The following ABCA4 variants were observed in gnomAD, a reference collection of about 807,000 sequenced individuals.
The protein encoded by ABCA4 is retinal-specific phospholipid-transporting ATPase ABCA4.
In ABCA4, 196 loss-of-function variants were observed where a neutral mutation model predicts 263.7. That is an observed-to-expected ratio of 0.74 (90% CI 0.66 to 0.84). The LOEUF (loss-of-function observed/expected upper bound fraction) is 0.84, where lower values mean the gene tolerates loss of function less well. Ranked by LOEUF, ABCA4 falls within the 40% of genes least tolerant of loss-of-function variation. ABCA4 has a pLI of 0.00. For missense variants in ABCA4, 2,792 were observed against 2,855.1 expected (o/e 0.98, Z 0.50); for synonymous variants, 1,133 against 1,094.2 (o/e 1.04, Z -0.70).
At chr1:94,002,472 G>A (rs1451903778) in intron 44 of ABCA4, among the ~76,000 whole-genome samples, 1 of 152,242 alleles carries the variant, frequency 6.6e-6, no homozygotes, top group Non-Finnish European at 1.5e-5. Flanking sequence ...TGTGAACACA[G>A]CCATTGCTGC....
At chr1:94,036,695 G>C (rs1408551121) in intron 26 of ABCA4, 45 bp downstream of exon 26, 11 of 1,598,324 alleles carry the variant, frequency 6.9e-6, no homozygotes, top group Non-Finnish European at 9.4e-6. Flanking sequence ...TGGAACTTGG[G>C]AGGGAGGCAA....
At chr1:94,018,946 G>T (rs554137142) in intron 36 of ABCA4, among the ~76,000 whole-genome samples, 48 of 146,736 alleles carry the variant, frequency 3.3e-4, no homozygotes, top group African/African-American at 1.1e-3. Flanking sequence ...TTGGCCACTG[G>T]CTGGGGTTGC....
chr1:94,075,661 C>T (rs1267377662), intron 11 of ABCA4, among the ~76,000 whole-genome samples: 4 of 152,196 alleles, frequency 2.6e-5, no homozygotes, highest in Admixed American at 6.5e-5. Flanking sequence ...GGCATGCTCC[C>T]GAGGGCCCTC....
intron 11 of ABCA4, among the ~76,000 whole-genome samples, chr1:94,064,427 A>G (rs920593471): frequency 6.6e-6 from 1 of 152,146 alleles, no homozygotes; most frequent in Non-Finnish European, 1.5e-5. Context: ...GAGCCTCCTG[A>G]GTAGGAGGAT....
At chr1:94,093,896 T>C (rs1662044583) in intron 6 of ABCA4, among the ~76,000 whole-genome samples, 1 of 152,234 alleles carries the variant, frequency 6.6e-6, no homozygotes, top group Non-Finnish European at 1.5e-5. Flanking sequence ...AAATCAAATA[T>C]ATTTGCTGTG....
chr1:94,043,755 G>A (rs1223417237), intron 20 of ABCA4, among the ~76,000 whole-genome samples: 5 of 135,988 alleles, frequency 3.7e-5, no homozygotes, highest in Admixed American at 3.3e-4. Context: ...GATATCTTAT[G>A]TTTAAAAAAG....
intron 26 of ABCA4, among the ~76,000 whole-genome samples, chr1:94,034,373 T>C (rs1660285351): frequency 6.6e-6 from 1 of 152,170 alleles, no homozygotes; most frequent in South Asian, 2.1e-4. Context: ...GGTTTTTTTG[T>C]TATCATTTCC....
chr1:94,074,164 G>A (rs1661477674), intron 11 of ABCA4, among the ~76,000 whole-genome samples: 1 of 152,182 alleles, frequency 6.6e-6, no homozygotes, highest in Non-Finnish European at 1.5e-5. Flanking sequence ...TTTGTAAACA[G>A]ACACATAGAC....
chr1:94,020,044 TG>T lies in ABCA4; in HGVS notation c.5019-286del, dbSNP rs548670524. Among the ~76,000 whole-genome samples, 212 of 152,312 alleles carry T rather than the reference TG, an allele frequency of 1.4e-3. 1 individual carries two copies. The highest frequency in any genetic ancestry group is 4.9e-3 in the African/African-American group (204 of 41,562). The stretch of plus-strand genomic sequence containing the variant: ...TATTTTTATGGTGTATAGAAATAGA[TG>T]TTTATATTAATCTTATGTACTGCAA... On this transcript the variant is annotated intron_variant, in intron 35 of 49. Coordinates refer to ENST00000370225, the MANE Select transcript of ABCA4 (RefSeq NM_000350.3).
Position 94,043,396 on chromosome 1 carries a change from C to T in ABCA4, c.3130G>A (p.Ala1044Thr). The T allele has an allele frequency of 3.1e-6, 5 of 1,614,116 alleles. No homozygotes were observed. Among genetic ancestry groups the T allele is most frequent in the Non-Finnish European group, 4.2e-6 (5 of 1,180,028 alleles). ...SQEEAQLEME[A>T]MLEDTGLHHK... The stretch of plus-strand genomic sequence containing the variant: ...TGGAGGCCTGTGTCCTCCAACATGG[C>T]TTCCATCTCCAGCTGGGCCTCCTCC... Residue 1044 changes from alanine (A) to threonine (T), a missense_variant, in exon 21 of 50, where the codon GCC (alanine) becomes ACC (threonine). Ala to Thr is a moderately conservative substitution (Grantham distance 58). Transcript: ENST00000370225.
intron 4 of ABCA4, among the ~76,000 whole-genome samples, chr1:94,105,813 T>C (rs1425115307): frequency 6.6e-6 from 1 of 152,108 alleles, no homozygotes; most frequent in Non-Finnish European, 1.5e-5. Context: ...GTACTGCAGG[T>C]TTGCCATGAA....
intron 9 of ABCA4, among the ~76,000 whole-genome samples, chr1:94,079,020 T>A (rs1661613604): frequency 1.3e-5 from 2 of 152,108 alleles, no homozygotes; most frequent in Non-Finnish European, 2.9e-5. Context: ...TTCCTCCCTG[T>A]CTTTATCTGA....
rs146351140 is a variant in ABCA4 at position 94,075,899 on chromosome 1, AT to A, written c.1554+1790del. 3.9e-3 allele frequency among the ~76,000 whole-genome samples: 598 copies of A among 152,330 alleles called. 6 individuals are homozygous for A. Among genetic ancestry groups the A allele is most frequent in the African/African-American group, 0.014 (565 of 41,574 alleles). ...ATGGACATGTCAACAGCCAACTCTA[AT>A]CTATCTGGGAGAGGGGTCTGAGAGA... On this transcript the variant is annotated intron_variant, in intron 11 of 49. Transcript: ENST00000370225.
rs1424418191 is a variant in ABCA4 at position 94,019,692 on chromosome 1, T to C, written c.5086A>G (p.Ser1696Gly). Reference sequence around the variant, plus strand: ...TCCTGGATCAAATAAAGGACAAAGCTGGCTGGGACGAAGGACATGGAGAAA... The same window carrying C: ...TCCTGGATCAAATAAAGGACAAAGCCGGCTGGGACGAAGGACATGGAGAAA... ...VIFSMSFVPASFVLYLIQERV... is the reference protein window; with the variant it reads ...VIFSMSFVPAGFVLYLIQERV... The change falls in exon 36 of 50, where the codon AGC becomes GGC. Residue 1696 changes from serine (S) to glycine (G), a missense_variant. Coordinates refer to ENST00000370225, the MANE Select transcript of ABCA4 (RefSeq NM_000350.3). The C allele has an allele frequency of 6.2e-6, 10 of 1,613,690 alleles. No individual in the cohort carries two copies. The highest frequency in any genetic ancestry group is 8.5e-6 in the Non-Finnish European group (10 of 1,179,908).
At chr1:93,994,645 G>C (rs1658948088) in intron 49 of ABCA4, among the ~76,000 whole-genome samples, 1 of 152,204 alleles carries the variant, frequency 6.6e-6, no homozygotes, top group Non-Finnish European at 1.5e-5. Context: ...CCTTTGTAAA[G>C]ATAGTATGTT....
intron 6 of ABCA4, among the ~76,000 whole-genome samples, chr1:94,097,093 T>G (rs938951591): frequency 2.6e-5 from 4 of 152,200 alleles, no homozygotes; most frequent in Non-Finnish European, 5.9e-5. Flanking sequence ...AAAATCAAGT[T>G]CTTTTTGAAA....
Position 94,029,628 on chromosome 1 carries a change from C to G in ABCA4, c.4356G>C (p.Glu1452Asp). 4 of 1,613,232 alleles carry G rather than the reference C, an allele frequency of 2.5e-6. No individual in the cohort carries two copies. Among genetic ancestry groups the G allele is most frequent in the Non-Finnish European group, 3.4e-6 (4 of 1,179,604 alleles). ...AGGGTGTTGAGTTGCCACAGGGGTACTCCCTCATGGAAGACAAGAAAATAT... is the reference window on the plus strand; with the variant it reads ...AGGGTGTTGAGTTGCCACAGGGGTAGTCCCTCATGGAAGACAAGAAAATAT... ...NRCLKEGWLP[E>D]YPCGNSTPWK... The change falls in exon 30 of 50, where the codon GAG becomes GAC. Residue 1452 changes from glutamate to aspartate, a missense_variant. Coordinates refer to ENST00000370225, the MANE Select transcript of ABCA4 (RefSeq NM_000350.3).
rs1314536038 is a variant in ABCA4 at position 94,015,971 on chromosome 1, C to T, written c.5197-117G>A. 23 of 899,784 alleles carry T rather than the reference C, an allele frequency of 2.6e-5. No individual in the cohort carries two copies. In the Middle Eastern group the frequency reaches 1.4e-3, roughly 54 times the overall value. The allele number at this position is 899,784 out of a possible 1,614,324, so 55.7% of individuals were successfully genotyped here. On this transcript the variant is annotated intron_variant, in intron 36 of 49. Transcript: ENST00000370225. ...CGTAGGGTCTGGGATTCTGATTCGA[C>T]TTGCTTTTTAAACAGTTCTTGGTTG...
At chr1:94,032,475 A>T (rs1660231271) in intron 26 of ABCA4, among the ~76,000 whole-genome samples, 1 of 152,162 alleles carries the variant, frequency 6.6e-6, no homozygotes, top group Non-Finnish European at 1.5e-5. Flanking sequence ...CCTCTCTACA[A>T]AAATACAAAA....
Sources: allele counts gnomAD v4.1 joint callset (sites outside exome capture counted in the v4.1 genomes callset), GRCh38; gene constraint gnomAD v4.1.1; transcripts MANE v1.5; gene names NCBI Gene and HGNC (gene_info 2026-07-23, HGNC 2026-07-21).